The following LAMA3 variants were observed in gnomAD, a reference collection of about 807,000 sequenced individuals.
The protein encoded by LAMA3 is laminin subunit alpha 3.
LAMA3 carries 281 observed loss-of-function variants against 402.0 expected under a neutral mutation model. The ratio of observed to expected loss-of-function variants is 0.70; its 90% CI spans 0.63 to 0.77. The LOEUF (loss-of-function observed/expected upper bound fraction) is 0.77. Among genes scored for constraint, LAMA3 ranks in the 30% least tolerant of loss-of-function variants. The pLI is 0.00. For missense variants in LAMA3, 3,840 were observed against 4,215.5 expected (o/e 0.91, Z 2.47); for synonymous variants, 1,431 against 1,558.4 (o/e 0.92, Z 1.93).
At chr18:23,908,021 G>T (rs2081307389) in intron 54 of LAMA3, 86 bp downstream of exon 54, 10 of 1,351,156 alleles carry the variant, frequency 7.4e-6, no homozygotes. Context: ...CCCTGGTAAA[G>T]TCTGATCTCA....
At chr18:23,721,174 C>G (rs1247741815) in intron 2 of LAMA3, among the ~76,000 whole-genome samples, 2 of 151,858 alleles carry the variant, frequency 1.3e-5, no homozygotes, top group Non-Finnish European at 2.9e-5. Context: ...AAAAAAAAGT[C>G]TCTCTCTCTT....
At position 23,837,017 on chromosome 18, in the gene LAMA3, C is replaced by T. The variant is rs781563209; in HGVS notation, c.3021C>T (p.Ser1007=). The T allele has an allele frequency of 6.2e-7, 1 of 1,613,994 alleles. No homozygotes were observed. The highest frequency in any genetic ancestry group is 1.7e-5 in the Admixed American group (1 of 60,024). ...GGAGTGCTGTGATTGATCACATGAG[C>T]CGCATCGCCATGTATGAGCTATTGG... The part of the protein sequence containing the change: ...LCRSAVIDHM[S]RIAMYELLAD... The change falls in exon 25 of 75, where the codon AGC becomes AGT. Residue 1007 remains serine (S), a synonymous_variant. Transcript: ENST00000313654.
Position 23,933,942 on chromosome 18 carries a change from G to T in LAMA3, c.8862+7G>T. 2 of 1,613,840 alleles carry T rather than the reference G, an allele frequency of 1.2e-6. No homozygotes were observed. Among genetic ancestry groups the T allele is most frequent in the South Asian group, 2.2e-5 (2 of 91,070 alleles). ...GACTTTTCGTATCAACCAGGTAAGT[G>T]TCCAAACCTAACCCTGGGTTTCCCT... On this transcript the variant is annotated splice_region_variant and intron_variant, in intron 67 of 74. Coordinates refer to ENST00000313654, the MANE Select transcript of LAMA3 (RefSeq NM_198129.4).
At chr18:23,718,694 T>A (rs1389827896) in intron 2 of LAMA3, among the ~76,000 whole-genome samples, 1 of 152,184 alleles carries the variant, frequency 6.6e-6, no homozygotes, top group Non-Finnish European at 1.5e-5. Flanking sequence ...TTGGGCCTCG[T>A]AGAGGCAAAG....
At chr18:23,861,935 G>A in intron 35 of LAMA3, 128 bp downstream of exon 35, 1 of 1,071,556 alleles carries the variant, frequency 9.3e-7, no homozygotes, top group South Asian at 1.6e-5. Context: ...GAAATGAGCT[G>A]AACTAAAAGT....
At chr18:23,899,105 T>C (rs183931623) in intron 46 of LAMA3, 40 bp downstream of exon 46, 201 of 1,481,500 alleles carry the variant, frequency 1.4e-4, no homozygotes, top group Non-Finnish European at 3.5e-5. Context: ...TTTTTTTGGT[T>C]ACATAACCTT....
At chr18:23,923,920 T>G (rs1330610080) in intron 62 of LAMA3, among the ~76,000 whole-genome samples, 1 of 152,238 alleles carries the variant, frequency 6.6e-6, no homozygotes. Context: ...TCAGCAAAAC[T>G]TTAGGTTAAT....
At chr18:23,773,673 C>CAG (rs2143872145) in intron 9 of LAMA3, 86 bp downstream of exon 9, 1 of 808,534 alleles carries the variant, frequency 1.2e-6, no homozygotes, top group East Asian at 2.7e-5. Flanking sequence ...CAGTTAATAA[C>CAG]TTCCTTCATG....
At chr18:23,931,667 T>C (rs2082167503) in intron 65 of LAMA3, 1 of 209,580 alleles carries the variant, frequency 4.8e-6, no homozygotes, top group Non-Finnish European at 9.6e-6. Context: ...AAACATTGAG[T>C]CACACATAAA....
chr18:23,932,616 A>G (rs917845698), intron 66 of LAMA3: 1 of 337,530 alleles, frequency 3.0e-6, no homozygotes, highest in Non-Finnish European at 5.7e-6. Context: ...ATTAGATTTA[A>G]TCAGCTCTCC....
intron 73 of LAMA3, among the ~76,000 whole-genome samples, chr18:23,952,173 G>A (rs769668554): frequency 1.1e-4 from 16 of 152,228 alleles, no homozygotes; most frequent in South Asian, 8.3e-4. Context: ...CTTTACCTTC[G>A]GTTTCCTCTT....
intron 12 of LAMA3, among the ~76,000 whole-genome samples, chr18:23,797,575 C>T (rs182184923): frequency 6.9e-4 from 105 of 152,212 alleles, no homozygotes; most frequent in African/African-American, 2.4e-3. Flanking sequence ...ATTAGCTGGG[C>T]GTGGTGGCAC....
At chr18:23,872,116 T>C (rs2064542195) in intron 38 of LAMA3, among the ~76,000 whole-genome samples, 1 of 152,214 alleles carries the variant, frequency 6.6e-6, no homozygotes, top group South Asian at 2.1e-4. Flanking sequence ...ACATATTTTT[T>C]AAATGAAGGA....
intron 1 of LAMA3, among the ~76,000 whole-genome samples, chr18:23,705,450 T>TACAAACAC (rs2060869048): frequency 6.9e-6 from 1 of 145,394 alleles, no homozygotes; most frequent in Non-Finnish European, 1.5e-5. Context: ...TATCATGACA[T>TACAAACAC]ACACACACAC....
chr18:23,882,857 G>A (rs2064946806), intron 40 of LAMA3, among the ~76,000 whole-genome samples: 1 of 152,152 alleles, frequency 6.6e-6, no homozygotes, highest in Non-Finnish European at 1.5e-5. Flanking sequence ...AAGGGTGGGA[G>A]TCATCACACT....
At chr18:23,859,093 T>C (rs112838392) in intron 34 of LAMA3, among the ~76,000 whole-genome samples, 7 of 152,312 alleles carry the variant, frequency 4.6e-5, no homozygotes, top group African/African-American at 1.7e-4. Context: ...TGTTTTAAAA[T>C]TTGTTTATTG....
At position 23,815,506 on chromosome 18, in the gene LAMA3, C is replaced by T. The variant is rs375603769; in HGVS notation, c.1980C>T (p.Gly660=). The change falls in exon 17 of 75, where the codon GGC becomes GGT. Residue 660 remains glycine (G), a synonymous_variant. Transcript: ENST00000313654. The part of the protein sequence containing the change: ...GDCHCKSHVG[G]DSCDTCEDGY... ...GTCACTGCAAGTCCCATGTGGGTGG[C>T]GATTCCTGCGACACCTGTGAAGATG... is the stretch of plus-strand genomic sequence containing the variant. 5.0e-6 allele frequency: 8 copies of T among 1,614,100 alleles called. No homozygotes were observed. The highest frequency in any genetic ancestry group is 3.3e-4 in the Middle Eastern group (2 of 6,058).
chr18:23,808,575 A>G lies in LAMA3; in HGVS notation c.1604-1791A>G, dbSNP rs796168177. On this transcript the variant is annotated intron_variant, in intron 12 of 74. Transcript: ENST00000313654. Reference sequence around the variant, plus strand: ...GACTGTAAAATAGGAAAGTGAAATGATAGTAAATTCTCTGGGTCTGCAAGT... The same window carrying G: ...GACTGTAAAATAGGAAAGTGAAATGGTAGTAAATTCTCTGGGTCTGCAAGT... Among the ~76,000 whole-genome samples, 34 of 152,324 alleles carry G rather than the reference A, an allele frequency of 2.2e-4. 1 individual carries two copies. The highest frequency in any genetic ancestry group is 8.2e-4 in the African/African-American group (34 of 41,568).
chr18:23,821,061 T>A (rs2063276254), intron 19 of LAMA3, among the ~76,000 whole-genome samples: 1 of 152,252 alleles, frequency 6.6e-6, no homozygotes, highest in South Asian at 2.1e-4. Flanking sequence ...AATTCCATTG[T>A]GTCATAATAA....
Sources: allele counts gnomAD v4.1 joint callset (sites outside exome capture counted in the v4.1 genomes callset), GRCh38; gene constraint gnomAD v4.1.1; transcripts MANE v1.5; gene names NCBI Gene and HGNC (gene_info 2026-07-23, HGNC 2026-07-21).